NAA25: variants seen among roughly 807,000 people sequenced by gnomAD.
NAA25 encodes N-terminal acetyltransferase B complex subunit NAA25.
In NAA25, 30 loss-of-function variants were observed where a neutral mutation model predicts 132.5. That is an observed-to-expected ratio of 0.23 (90% CI 0.17 to 0.31). The LOEUF (loss-of-function observed/expected upper bound fraction) is 0.31, where lower values mean the gene tolerates loss of function less well. Ranked by LOEUF, NAA25 falls within the 10% of genes least tolerant of loss-of-function variation. NAA25 has a pLI of 1.00. For missense variants in NAA25, 771 were observed against 1,150.4 expected, an observed-to-expected ratio of 0.67 and a Z score of 4.77; for synonymous variants, 359 against 401.9, an observed-to-expected ratio of 0.89 and a Z score of 1.28.
chr12:112,054,313 A>C (rs1486003556), intron 14 of NAA25, 75 bp downstream of exon 14: 4 of 1,320,830 alleles, frequency 3.0e-6, no homozygotes, highest in South Asian at 1.5e-5. Context: ...ATCAACTTTA[A>C]AATCTAAGTT....
rs757690157 is a variant in NAA25, at chr12:112,043,261, T to C, written c.2251-50A>G. On this transcript the variant is annotated intron_variant, in intron 18 of 23. Coordinates refer to ENST00000261745, the MANE Select transcript of NAA25 (RefSeq NM_024953.4). Reference sequence around the variant, plus strand: ...GCTCTTTTAAATCCATCTAAATGCATACAAAATAAGAAAATCAGGTAACTA... The same window carrying C: ...GCTCTTTTAAATCCATCTAAATGCACACAAAATAAGAAAATCAGGTAACTA... 9 of 1,519,572 alleles carry C rather than the reference T, an allele frequency of 5.9e-6. No individual in the cohort carries two copies. In the African/African-American group the frequency reaches 7.0e-5, roughly 12 times the overall value. The allele number at this position is 1,519,572 out of a possible 1,614,324, so 94.1% of individuals were successfully genotyped here.
chr12:112,074,551 G>T, intron 9 of NAA25, 124 bp downstream of exon 9: 1 of 526,780 alleles, frequency 1.9e-6, no homozygotes, highest in Non-Finnish European at 3.3e-6. Flanking sequence ...ATGAAAAAAT[G>T]TCTTACTTTG....
chr12:112,042,950 C>T (rs182845446), intron 19 of NAA25, 138 bp downstream of exon 19: 99 of 704,400 alleles, frequency 1.4e-4, no homozygotes, highest in Non-Finnish European at 2.1e-4. Flanking sequence ...CCCTCTCATA[C>T]ACTACACCAC....
intron 11 of NAA25, chr12:112,065,779 G>A (rs549373897): frequency 1.3e-5 from 2 of 152,288 alleles, no homozygotes; most frequent in African/African-American, 4.8e-5. Flanking sequence ...CAGGATAACT[G>A]AACTCACTGG....
intron 2 of NAA25, among the ~76,000 whole-genome samples, chr12:112,092,720 T>C (rs971933105): frequency 1.6e-4 from 24 of 148,796 alleles, no homozygotes; most frequent in African/African-American, 5.9e-4. Flanking sequence ...CTCTGTCACC[T>C]GGGCTAGAGT....
intron 2 of NAA25, among the ~76,000 whole-genome samples, chr12:112,092,756 C>A (rs1388315090): frequency 1.3e-5 from 2 of 151,544 alleles, no homozygotes; most frequent in African/African-American, 4.8e-5. Context: ...CCGCTCACTG[C>A]AACCTCCACC....
chr12:112,060,508 A>T (rs2078612338), intron 12 of NAA25, 149 bp from the exon 13 acceptor site: 2 of 587,658 alleles, frequency 3.4e-6, no homozygotes. Flanking sequence ...AGAAAAATAT[A>T]AGCCACGATT....
chr12:112,051,230 G>A (rs577139746), intron 15 of NAA25, among the ~76,000 whole-genome samples: 1 of 151,796 alleles, frequency 6.6e-6, no homozygotes, highest in Non-Finnish European at 1.5e-5. Context: ...CTTTTTTGGT[G>A]GGGGGACAGA....
At chr12:112,073,226 C>A (rs2078841166) in intron 9 of NAA25, among the ~76,000 whole-genome samples, 1 of 151,558 alleles carries the variant, frequency 6.6e-6, no homozygotes, top group Non-Finnish European at 1.5e-5. Flanking sequence ...CAGAGTGAGA[C>A]CCTGTCTCAA....
chr12:112,048,441 G>T lies in NAA25; in HGVS notation c.1731C>A (p.Thr577=). The T allele has an allele frequency of 6.2e-7, 1 of 1,613,330 alleles. No individual in the cohort carries two copies. The highest frequency in any genetic ancestry group is 8.5e-7 in the Non-Finnish European group (1 of 1,179,500). The change falls in exon 16 of 24, where the codon ACC becomes ACA. Residue 577 remains threonine, a splice_region_variant and synonymous_variant. Transcript: ENST00000261745. ...TGTAAGCTTGAATAATATATTCTGAGGTCTGAGAAGGAAAGACATCACCTT... is the reference window on the plus strand; with the variant it reads ...TGTAAGCTTGAATAATATATTCTGATGTCTGAGAAGGAAAGACATCACCTT... ...LRFFHSNQKD[T]SEYIIQAYKY... is the part of the protein sequence containing the mutation.
In NAA25 at chr12:112,098,119, C is replaced by CAAAA. The variant is rs60232542; in HGVS notation, c.59-4987_59-4984dup. ...CTGGCAACAGAGCAAGACTCCATCT[C>CAAAA]AAAAAAAAAAAAAAAAAAAAAACCA... On this transcript the variant is annotated intron_variant, in intron 1 of 23. Coordinates refer to ENST00000261745, the MANE Select transcript of NAA25 (RefSeq NM_024953.4). Among the ~76,000 whole-genome samples the CAAAA allele has an allele frequency of 5.5e-3, 299 of 54,012 alleles. 9 individuals are homozygous for CAAAA. Among genetic ancestry groups the CAAAA allele is most frequent in the African/African-American group, 0.013 (225 of 16,758 alleles). 35.4% of individuals were successfully genotyped at this position (54,012 alleles called of 152,430 possible). A position where few individuals can be genotyped will look rare whatever the true frequency, so the allele number is the denominator to read the frequency against.
chr12:112,088,011 T>C (rs984407002), intron 3 of NAA25, among the ~76,000 whole-genome samples: 5 of 152,188 alleles, frequency 3.3e-5, no homozygotes, highest in South Asian at 2.1e-4. Flanking sequence ...TTACAACATA[T>C]AAGACCTTAT....
intron 22 of NAA25, among the ~76,000 whole-genome samples, chr12:112,036,784 G>A (rs2078228565): frequency 6.6e-6 from 1 of 150,768 alleles, no homozygotes; most frequent in Non-Finnish European, 1.5e-5. Flanking sequence ...GAAAGTGGAG[G>A]TTGTAGTGAT....
chr12:112,073,453 T>C (rs1050755084), intron 9 of NAA25, among the ~76,000 whole-genome samples: 2 of 152,226 alleles, frequency 1.3e-5, no homozygotes, highest in Non-Finnish European at 2.9e-5. Flanking sequence ...TCACTTTTTT[T>C]TGAGAGGGAG....
At chr12:112,065,408 G>T (rs2078701463) in intron 11 of NAA25, 2 of 151,932 alleles carry the variant, frequency 1.3e-5, no homozygotes, top group Admixed American at 6.6e-5. Context: ...GCTGAGGCAG[G>T]TTCTCTCTTG....
rs750611356 is a variant in NAA25, at chr12:112,042,098, G to A, written c.2381C>T (p.Thr794Ile). The A allele has an allele frequency of 1.5e-5, 22 of 1,460,338 alleles. No homozygotes were observed. The allele number at this position is 1,460,338 out of a possible 1,614,324, so 90.5% of individuals were successfully genotyped here. A position where few individuals can be genotyped will look rare whatever the true frequency, so the allele number is the denominator to read the frequency against. ...TTCTATTCGTTCCTGAATCTCCATTGTATCCTCTAAAATTGAAAAACAAAA... is the reference window on the plus strand; with the variant it reads ...TTCTATTCGTTCCTGAATCTCCATTATATCCTCTAAAATTGAAAAACAAAA... ...YELDTSGLED[T>I]MEIQERIENS... Residue 794 changes from threonine to isoleucine, a missense_variant, in exon 20 of 24, where the codon ACA becomes ATA. Thr to Ile is a moderately conservative substitution (Grantham distance 89, BLOSUM62 -1). Transcript: ENST00000261745.
chr12:112,080,103 A>AC (rs1566023670), intron 5 of NAA25, among the ~76,000 whole-genome samples: 1 of 151,464 alleles, frequency 6.6e-6, no homozygotes, highest in Non-Finnish European at 1.5e-5. Flanking sequence ...ACATGGTGAA[A>AC]CCCCATCTCT....
intron 3 of NAA25, among the ~76,000 whole-genome samples, chr12:112,089,822 G>A (rs918054414): frequency 1.1e-4 from 17 of 151,562 alleles, no homozygotes; most frequent in East Asian, 3.9e-4. Context: ...GGTGAAACCC[G>A]TCTCTACTAA....
chr12:112,098,796 T>C (rs112693912), intron 1 of NAA25, among the ~76,000 whole-genome samples: 2,639 of 152,240 alleles, frequency 0.017, 35 homozygotes, highest in Non-Finnish European at 0.03. Context: ...CTCGCTCTGT[T>C]GCCCAGGCTA....
Sources: gnomAD v4.1 joint callset for allele counts (sites outside exome capture counted in the v4.1 genomes callset) on GRCh38, gnomAD v4.1.1 for gene constraint, MANE v1.5 for transcripts, NCBI Gene and HGNC (gene_info 2026-07-23, HGNC 2026-07-21) for gene names.